COPS7B: variants seen among roughly 807,000 people sequenced by gnomAD.
COPS7B encodes COP9 signalosome complex subunit 7b.
In COPS7B, 9 loss-of-function variants were observed where a neutral mutation model predicts 33.4. The ratio of observed to expected loss-of-function variants is 0.27; its 90% CI spans 0.16 to 0.47. The LOEUF (loss-of-function observed/expected upper bound fraction) is 0.47. Ranked by LOEUF, COPS7B falls within the 20% of genes least tolerant of loss-of-function variation. COPS7B has a pLI of 0.99. For synonymous variants in COPS7B, 119 were observed against 126.3 expected, an observed-to-expected ratio of 0.94 and a Z score of 0.39; for missense variants, 242 against 318.2, an observed-to-expected ratio of 0.76 and a Z score of 1.82.
chr2:231,787,883 C>G (rs1354383536), intron 1 of COPS7B, among the ~76,000 whole-genome samples: 1 of 152,140 alleles, frequency 6.6e-6, no homozygotes, highest in East Asian at 1.9e-4. Flanking sequence ...TAGGCAGTAT[C>G]CTCCATTTCT....
intron 6 of COPS7B, among the ~76,000 whole-genome samples, chr2:231,800,336 C>T (rs1291603431): frequency 6.6e-6 from 1 of 152,188 alleles, no homozygotes; most frequent in African/African-American, 2.4e-5. Flanking sequence ...CAACAACCCT[C>T]TTGATGATGG....
intron 6 of COPS7B, among the ~76,000 whole-genome samples, chr2:231,805,609 A>C (rs2049873078): frequency 6.6e-6 from 1 of 151,206 alleles, no homozygotes; most frequent in Non-Finnish European, 1.5e-5. Flanking sequence ...GACTATAGGC[A>C]TGTGCCACCA....
upstream of COPS7B, among the ~76,000 whole-genome samples, chr2:231,782,312 C>T (rs1213208093): frequency 6.6e-6 from 1 of 152,176 alleles, no homozygotes; most frequent in Admixed American, 6.5e-5. Context: ...AATTAGGTAG[C>T]ATTTATTTGG....
At chr2:231,802,067 G>A (rs1294785770) in intron 6 of COPS7B, among the ~76,000 whole-genome samples, 1 of 152,146 alleles carries the variant, frequency 6.6e-6, no homozygotes, top group Non-Finnish European at 1.5e-5. Context: ...GAGCCACCGC[G>A]CCCGGCCTCA....
chr2:231,794,919 ATTTTT>A (rs906484977), intron 4 of COPS7B, among the ~76,000 whole-genome samples: 1 of 135,838 alleles, frequency 7.4e-6, no homozygotes, highest in African/African-American at 2.7e-5. Flanking sequence ...CGCCCGGCTA[ATTTTT>A]TTTTTTTTTT....
At position 231,788,562 on chromosome 2, in the gene COPS7B, G is replaced by T; in HGVS notation, c.-9G>T. 6.2e-7 allele frequency: 1 copy of T among 1,612,830 alleles called. No individual in the cohort carries two copies. Among genetic ancestry groups the T allele is most frequent in the Non-Finnish European group, 8.5e-7 (1 of 1,179,852 alleles). The stretch of plus-strand genomic sequence containing the variant: ...CAATTTTCTTTTGGACAGATTTCAA[G>T]GCCAGAGAATGGCAGGGGAACAGAA... On this transcript the variant is annotated 5_prime_UTR_variant, in exon 2 of 7. It adds an upstream start codon to the 5' untranslated region. Coordinates refer to ENST00000350033, the MANE Select transcript of COPS7B (RefSeq NM_022730.4).
Position 231,808,250 on chromosome 2 carries a change from C to T in COPS7B, c.*605C>T, listed in dbSNP as rs776781256. 9 of 353,640 alleles carry T rather than the reference C, an allele frequency of 2.5e-5. No individual in the cohort carries two copies. Among genetic ancestry groups the T allele is most frequent in the Non-Finnish European group, 5.2e-5 (9 of 173,278 alleles). 21.9% of individuals were successfully genotyped at this position (353,640 alleles called of 1,614,324 possible). On this transcript the variant is annotated 3_prime_UTR_variant, in exon 7 of 7. Transcript: ENST00000350033. The stretch of plus-strand genomic sequence containing the variant: ...GTTTTCAGCCTCTTAAGCCCAGCTC[C>T]GATCTCCAATTAGTTGAGAGCGCTG...
rs200036781 is a variant in COPS7B, at chr2:231,796,111, C to T, written c.333C>T (p.Ile111=). The T allele has an allele frequency of 3.1e-6, 5 of 1,613,432 alleles. No individual in the cohort carries two copies. The East Asian group carries it at 8.9e-5, about 29-fold the overall frequency. Residue 111 remains isoleucine (I), a synonymous_variant, in exon 5 of 7, where the codon ATC becomes ATT. Transcript: ENST00000350033. The part of the protein sequence containing the change: ...IVSLASRMKC[I]PYSVLLKDLE... The stretch of plus-strand genomic sequence containing the variant: ...TCACATGGCCTTATCTACAGTGTAT[C>T]CCCTACTCCGTGTTGCTGAAAGACC...
chr2:231,794,364 G>A lies in COPS7B; in HGVS notation c.327+13G>A, dbSNP rs2049504083. The A allele has an allele frequency of 6.2e-7, 1 of 1,604,038 alleles. No homozygotes were observed. Among genetic ancestry groups the A allele is most frequent in the Non-Finnish European group, 8.5e-7 (1 of 1,171,276 alleles). Reference sequence around the variant, plus strand: ...ATCAAGAATGAAGGTACGGTACTGAGCCTTCTCTTGTCTTCCTCCTTACCC... The same window carrying A: ...ATCAAGAATGAAGGTACGGTACTGAACCTTCTCTTGTCTTCCTCCTTACCC... On this transcript the variant is annotated intron_variant, in intron 4 of 6. Transcript: ENST00000350033.
intron 6 of COPS7B, among the ~76,000 whole-genome samples, chr2:231,803,776 G>C (rs570962781): frequency 1.3e-5 from 2 of 152,348 alleles, no homozygotes; most frequent in South Asian, 2.1e-4. Flanking sequence ...GGCTCCCTCA[G>C]GACCAGAGTG....
At chr2:231,794,756 T>G (rs936488147) in intron 4 of COPS7B, among the ~76,000 whole-genome samples, 4 of 152,058 alleles carry the variant, frequency 2.6e-5, no homozygotes, top group Admixed American at 6.6e-5. Flanking sequence ...TGCTAGATTT[T>G]TTGTTGTTGT....
upstream of COPS7B, chr2:231,786,388 T>G: frequency 1.1e-6 from 1 of 946,726 alleles, no homozygotes; most frequent in South Asian, 4.9e-5. Context: ...AGTGCAGCGG[T>G]GGGAGGCTTC....
chr2:231,808,142 C>T lies in COPS7B; in HGVS notation c.*497C>T, dbSNP rs2049949460. On this transcript the variant is annotated 3_prime_UTR_variant, in exon 7 of 7. Transcript: ENST00000350033. ...CAGGCGTCAAGATGCGCTGCTTTCC[C>T]TCTCCTGCCTCATCCCTTGTTGGCA... 1 of 256,086 alleles carries T rather than the reference C, an allele frequency of 3.9e-6. No homozygotes were observed. Among genetic ancestry groups the T allele is most frequent in the South Asian group, 3.9e-5 (1 of 25,706 alleles). The allele number at this position is 256,086 out of a possible 1,614,324, so 15.9% of individuals were successfully genotyped here. A position where few individuals can be genotyped will look rare whatever the true frequency, so the allele number is the denominator to read the frequency against.
At chr2:231,787,407 C>T (rs926308220) in intron 1 of COPS7B, among the ~76,000 whole-genome samples, 6 of 152,340 alleles carry the variant, frequency 3.9e-5, no homozygotes, top group Non-Finnish European at 4.4e-5. Flanking sequence ...TGTCACGCTG[C>T]TCTAATATGT....
At chr2:231,795,248 G>GA (rs1173459041) in intron 4 of COPS7B, among the ~76,000 whole-genome samples, 1 of 152,010 alleles carries the variant, frequency 6.6e-6, no homozygotes, top group African/African-American at 2.4e-5. Context: ...TTTAAATTGA[G>GA]ACAAGGGTCT....
intron 3 of COPS7B, among the ~76,000 whole-genome samples, chr2:231,793,098 G>C (rs1407244796): frequency 6.6e-6 from 1 of 152,148 alleles, no homozygotes; most frequent in Non-Finnish European, 1.5e-5. Context: ...TTGTGTGTTC[G>C]TTGACAAATG....
At chr2:231,782,957 G>A (rs1248503512), upstream of COPS7B, among the ~76,000 whole-genome samples, 1 of 152,078 alleles carries the variant, frequency 6.6e-6, no homozygotes, top group African/African-American at 2.4e-5. Context: ...CTCCCAATCA[G>A]TATTACATCC....
At position 231,791,714 on chromosome 2, in the gene COPS7B, CT is replaced by C. The variant is rs757301831; in HGVS notation, c.163-10del. 36 of 1,597,724 alleles carry C rather than the reference CT, an allele frequency of 2.3e-5. No individual in the cohort carries two copies. Among genetic ancestry groups the C allele is most frequent in the Middle Eastern group, 1.7e-4 (1 of 6,014 alleles). ...GGTAGACAGTTTGGTCTGTGGTGAA[CT>C]TTTTTTTTCCTCTTCAGCTTGCGGA... On this transcript the variant is annotated intron_variant, in intron 2 of 6. Transcript: ENST00000350033.
In COPS7B at chr2:231,791,894, G is replaced by GGGGT. The variant is rs1322763690; in HGVS notation, c.238+87_238+90dup. On this transcript the variant is annotated intron_variant, in intron 3 of 6. Coordinates refer to ENST00000350033, the MANE Select transcript of COPS7B (RefSeq NM_022730.4). The stretch of plus-strand genomic sequence containing the variant: ...CATCAAGGTTTGAGATATAAAGCAT[G>GGGGT]GGGTAGTGGGGAGACTTCTTGACCT... The GGGGT allele has an allele frequency of 5.8e-6, 7 of 1,214,488 alleles. No individual in the cohort carries two copies. In the Admixed American group the frequency reaches 8.7e-5, roughly 15 times the overall value. The allele number at this position is 1,214,488 out of a possible 1,614,324, so 75.2% of individuals were successfully genotyped here.
Sources: gnomAD v4.1 joint callset for allele counts (sites outside exome capture counted in the v4.1 genomes callset) on GRCh38, gnomAD v4.1.1 for gene constraint, MANE v1.5 for transcripts, NCBI Gene and HGNC (gene_info 2026-07-23, HGNC 2026-07-21) for gene names.